The following NAV1 variants were observed in gnomAD, a reference collection of about 807,000 sequenced individuals.
NAV1 encodes pore membrane and/or filament interacting like protein 3.
Under a neutral mutation model 175.2 loss-of-function variants are expected in NAV1, and 18 were observed. The observed-to-expected ratio is 0.10, with a 90% CI of 0.07 to 0.15. NAV1 has a LOEUF of 0.15. NAV1 is among the 10% of genes least tolerant of loss of function. The pLI is 1.00. For synonymous variants in NAV1, 897 were observed against 978.7 expected (o/e 0.92, Z 1.56); for missense variants, 1,731 against 2,436.6 (o/e 0.71, Z 6.10).
rs1005279892 is a variant in NAV1, at chr1:201,812,480, C to T, written c.5040C>T (p.Ser1680=). Residue 1680 remains serine, a synonymous_variant, in exon 27 of 30, where the codon TCC becomes TCT. Coordinates refer to ENST00000367296, the Ensembl canonical transcript of NAV1. This position sits in a 1 kb window ranked among gnomAD's most constrained non-coding sequence, Gnocchi z 4.6. ...TTGGTGGCAGGATGTTGACCTTCTC[C>T]AACAACGTGGAGCCAGCCAATGGCT... is the stretch of plus-strand genomic sequence containing the variant. 6.2e-7 allele frequency: 1 copy of T among 1,614,156 alleles called. No homozygotes were observed. The highest frequency in any genetic ancestry group is 1.1e-5 in the South Asian group (1 of 91,068).
At chr1:201,775,741 T>C (rs1232893173) in intron 3 of NAV1, among the ~76,000 whole-genome samples, 2 of 152,162 alleles carry the variant, frequency 1.3e-5, no homozygotes, top group African/African-American at 4.8e-5. Context: ...TTAAAATTTT[T>C]TAAAGAAGCC....
chr1:201,598,030 C>T (rs951662416), intron 2 of NAV1, among the ~76,000 whole-genome samples: 14 of 152,188 alleles, frequency 9.2e-5, no homozygotes, highest in Non-Finnish European at 2.1e-4. Context: ...CTACTACGTG[C>T]CAGGCATGAT....
intron 3 of NAV1, among the ~76,000 whole-genome samples, chr1:201,775,578 C>T (rs1047286584): frequency 3.9e-5 from 6 of 152,086 alleles, no homozygotes; most frequent in South Asian, 2.1e-4. Flanking sequence ...GTCTATAACA[C>T]GAAGTCCCGC....
exon 7 of NAV1, chr1:201,783,512 A>G (rs776494169): frequency 2.5e-6 from 4 of 1,614,088 alleles, no homozygotes; most frequent in Non-Finnish European, 3.4e-6. Context: ...CCATGCTTCA[A>G]AGGTCCCAGA....
At chr1:201,622,363 C>A (rs1167547300), upstream of NAV1, among the ~76,000 whole-genome samples, 1 of 152,192 alleles carries the variant, frequency 6.6e-6, no homozygotes, top group African/African-American at 2.4e-5. Context: ...GGTTGCACTG[C>A]ACTGGAGAGT....
Position 201,782,903 on chromosome 1 carries a change from T to C in NAV1, c.2357+34T>C. 2 of 1,521,528 alleles carry C rather than the reference T, an allele frequency of 1.3e-6. No homozygotes were observed. The highest frequency in any genetic ancestry group is 1.8e-6 in the Non-Finnish European group (2 of 1,131,082). The allele number at this position is 1,521,528 out of a possible 1,614,324, so 94.3% of individuals were successfully genotyped here. A position where few individuals can be genotyped will look rare whatever the true frequency, so the allele number is the denominator to read the frequency against. ...TGTGGGCAGCCGCCTCCTTGTCTGTTTGCTTTGTCATTCTTTCGCATATCT... is the reference window on the plus strand; with the variant it reads ...TGTGGGCAGCCGCCTCCTTGTCTGTCTGCTTTGTCATTCTTTCGCATATCT... On this transcript the variant is annotated intron_variant, in intron 6 of 29. Coordinates refer to ENST00000367296, the Ensembl canonical transcript of NAV1. This position sits in a 1 kb window ranked among gnomAD's most constrained non-coding sequence, Gnocchi z 5.4.
At chr1:201,584,996 G>A (rs1461028774) in intron 1 of NAV1, among the ~76,000 whole-genome samples, 1 of 152,184 alleles carries the variant, frequency 6.6e-6, no homozygotes, top group Non-Finnish European at 1.5e-5. Flanking sequence ...GGAAGCAACT[G>A]ACCAAGGTCC....
At chr1:201,676,846 G>A (rs1007722420) in intron 1 of NAV1, among the ~76,000 whole-genome samples, 1 of 152,146 alleles carries the variant, frequency 6.6e-6, no homozygotes, top group African/African-American at 2.4e-5. Context: ...CTAAATAGCA[G>A]CCCACAAACT....
rs1388827849 is a variant in NAV1, at chr1:201,663,454, G to T, written c.757+14029G>T. Among the ~76,000 whole-genome samples, 4 of 152,116 alleles carry T rather than the reference G, an allele frequency of 2.6e-5. No homozygotes were observed. In the East Asian group the frequency reaches 5.8e-4, roughly 22 times the overall value. ...TTTCTGGGCAGGGATGAAGATTCAG[G>T]CCTGACCTATAGCTTTACCTTGGAT... is the stretch of plus-strand genomic sequence containing the variant. On this transcript the variant is annotated intron_variant, in intron 1 of 29. Transcript: ENST00000367296.
At chr1:201,597,185 T>C (rs942919512) in intron 2 of NAV1, among the ~76,000 whole-genome samples, 2 of 152,116 alleles carry the variant, frequency 1.3e-5, no homozygotes, top group African/African-American at 4.8e-5. Flanking sequence ...TCTAGGAGGT[T>C]AGGGAAATGG....
intron 1 of NAV1, among the ~76,000 whole-genome samples, chr1:201,628,638 A>G (rs1033265989): frequency 1.3e-5 from 2 of 152,074 alleles, no homozygotes; most frequent in African/African-American, 2.4e-5. Context: ...AAGCTGCCAA[A>G]GTCTCCATTT....
intron 3 of NAV1, among the ~76,000 whole-genome samples, chr1:201,730,402 G>A (rs568198476): frequency 6.6e-6 from 1 of 152,308 alleles, no homozygotes; most frequent in South Asian, 2.1e-4. Context: ...GCACGTTCCA[G>A]TGCACCTACT....
chr1:201,596,634 T>C (rs536560853), intron 2 of NAV1, among the ~76,000 whole-genome samples: 2 of 152,326 alleles, frequency 1.3e-5, no homozygotes, highest in African/African-American at 4.8e-5. Flanking sequence ...CATTCTCCAG[T>C]TACTTCCTGT....
At chr1:201,737,802 A>T (rs1046681284) in intron 3 of NAV1, among the ~76,000 whole-genome samples, 3 of 152,220 alleles carry the variant, frequency 2.0e-5, no homozygotes, top group Admixed American at 6.5e-5. Flanking sequence ...GGAGAAAAAC[A>T]TCCCCTGCTG....
At chr1:201,594,319 G>A (rs1667291685) in intron 2 of NAV1, among the ~76,000 whole-genome samples, 1 of 152,126 alleles carries the variant, frequency 6.6e-6, no homozygotes, top group Non-Finnish European at 1.5e-5. Context: ...GCAGGGTTGG[G>A]GCTCAGCATG....
At chr1:201,821,409 C>T (rs143291477) in exon 30 of NAV1, 1 of 152,686 alleles carries the variant, frequency 6.5e-6, no homozygotes, top group East Asian at 1.9e-4. Flanking sequence ...CAGATTTGCT[C>T]CTTTCCCATT....
At chr1:201,749,567 G>A (rs568332008) in intron 3 of NAV1, among the ~76,000 whole-genome samples, 3 of 152,296 alleles carry the variant, frequency 2.0e-5, no homozygotes, top group African/African-American at 7.2e-5. Flanking sequence ...TCCTAGAATT[G>A]CATTTGCTCC....
At chr1:201,684,864 G>A (rs937141044) in intron 1 of NAV1, among the ~76,000 whole-genome samples, 10 of 151,218 alleles carry the variant, frequency 6.6e-5, no homozygotes, top group African/African-American at 2.2e-4. Context: ...TCGAGAGGCT[G>A]AGGCAGGAGA....
At chr1:201,751,013 A>T (rs1171082686) in intron 3 of NAV1, among the ~76,000 whole-genome samples, 4 of 152,188 alleles carry the variant, frequency 2.6e-5, no homozygotes, top group African/African-American at 9.7e-5. Context: ...TTCTTTAAGG[A>T]TTATGCCAAA....
Sources: allele counts gnomAD v4.1 joint callset (sites outside exome capture counted in the v4.1 genomes callset), GRCh38; gene constraint gnomAD v4.1.1; non-coding constraint Gnocchi (gnomAD v3.1); transcripts MANE v1.5; gene names NCBI Gene and HGNC (gene_info 2026-07-23, HGNC 2026-07-21).